Variants in URB2 observed in about 807,000 individuals in gnomAD.
URB2 encodes the protein unhealthy ribosome biogenesis protein 2 homolog.
In URB2, 86 loss-of-function variants were observed where a neutral mutation model predicts 120.9. The ratio of observed to expected loss-of-function variants is 0.71; its 90% CI spans 0.60 to 0.85. The LOEUF (loss-of-function observed/expected upper bound fraction) is 0.85, where lower values mean the gene tolerates loss of function less well. Among genes scored for constraint, URB2 ranks in the 40% least tolerant of loss-of-function variants. URB2 has a pLI of 0.00. For synonymous variants in URB2, 755 were observed against 758.4 expected (o/e 1.00, Z 0.07); for missense variants, 1,765 against 1,836.5 (o/e 0.96, Z 0.71).
chr1:229,652,965 T>G (rs939474627), intron 8 of URB2, among the ~76,000 whole-genome samples: 7 of 152,264 alleles, frequency 4.6e-5, no homozygotes, highest in African/African-American at 1.7e-4. Flanking sequence ...GAGTAGAGTT[T>G]TAACTATTTT....
At chr1:229,639,125 T>A (rs1295604362) in intron 4 of URB2, among the ~76,000 whole-genome samples, 1 of 151,800 alleles carries the variant, frequency 6.6e-6, no homozygotes, top group African/African-American at 2.4e-5. Context: ...CAAAACCCCA[T>A]CTCTACAAAA....
At chr1:229,645,821 G>C (rs374690356) in intron 5 of URB2, 38 bp from the exon 6 acceptor site, 1 of 1,565,732 alleles carries the variant, frequency 6.4e-7, no homozygotes, top group Admixed American at 1.7e-5. Context: ...GGGAGAACAC[G>C]CTATCTCTGC....
At chr1:229,643,468 T>C (rs1666060900) in intron 4 of URB2, 65 bp from the exon 5 acceptor site, 1 of 1,592,684 alleles carries the variant, frequency 6.3e-7, no homozygotes, top group Non-Finnish European at 8.6e-7. Context: ...AGTTTCATCC[T>C]ATGGCTACTT....
chr1:229,658,356 C>A (rs1666451333), intron 9 of URB2, among the ~76,000 whole-genome samples: 1 of 152,154 alleles, frequency 6.6e-6, no homozygotes, highest in Non-Finnish European at 1.5e-5. Context: ...TGGCTGCCAC[C>A]CACACTCCTG....
chr1:229,650,146 T>C lies in URB2; in HGVS notation c.4150-1089T>C, dbSNP rs1480706431. 2.6e-5 allele frequency among the ~76,000 whole-genome samples: 4 copies of C among 152,230 alleles called. No individual in the cohort carries two copies. In the East Asian group the frequency reaches 7.7e-4, roughly 29 times the overall value. On this transcript the variant is annotated intron_variant, in intron 7 of 9. Transcript: ENST00000258243. ...TAATCCCGACACTTGACTTACTCTCTGTTCACTCTCACACGTGATGCAGCA... is the reference window on the plus strand; with the variant it reads ...TAATCCCGACACTTGACTTACTCTCCGTTCACTCTCACACGTGATGCAGCA...
intron 9 of URB2, among the ~76,000 whole-genome samples, chr1:229,658,302 C>T (rs1666450219): frequency 6.6e-6 from 1 of 152,152 alleles, no homozygotes; most frequent in Non-Finnish European, 1.5e-5. Context: ...TGAGTCTCTT[C>T]TCTGGAAGTT....
At chr1:229,627,906 A>G (rs1571864161) in intron 2 of URB2, 147 bp downstream of exon 2, 1 of 1,075,304 alleles carries the variant, frequency 9.3e-7, no homozygotes, top group East Asian at 2.8e-5. Context: ...AATGTCAATG[A>G]AAAAAGTAAT....
rs892843529 is a variant in URB2 at position 229,646,034 on chromosome 1, C to T, written c.3906+65C>T. ...TCCCTCTTCCTGTAAAGACAGAAGT[C>T]AGCCTTTTGGGGTCTGCTGCCCTGT... On this transcript the variant is annotated intron_variant, in intron 6 of 9. Coordinates refer to ENST00000258243, the MANE Select transcript of URB2 (RefSeq NM_014777.4). The T allele has an allele frequency of 4.6e-6, 7 of 1,513,366 alleles. No homozygotes were observed. The African/African-American group carries it at 5.5e-5, about 12-fold the overall frequency. The allele number at this position is 1,513,366 out of a possible 1,614,324, so 93.7% of individuals were successfully genotyped here. A position where few individuals can be genotyped will look rare whatever the true frequency, so the allele number is the denominator to read the frequency against.
intron 3 of URB2, among the ~76,000 whole-genome samples, chr1:229,632,836 C>T (rs1665707158): frequency 7.4e-6 from 1 of 134,842 alleles, no homozygotes; most frequent in African/African-American, 2.8e-5. Flanking sequence ...TTTTTTGCCA[C>T]TACGGCCTTC....
Position 229,659,473 on chromosome 1 carries a change from C to A in URB2, c.*176C>A. On this transcript the variant is annotated 3_prime_UTR_variant, in exon 10 of 10. Transcript: ENST00000258243. ...TGTATTTTACATCGTGTTTTTCTTA[C>A]TATTTTTTAATACATAGTTTTATGC... 9.7e-6 allele frequency: 6 copies of A among 616,954 alleles called. No homozygotes were observed. Among genetic ancestry groups the A allele is most frequent in the Non-Finnish European group, 1.3e-5 (5 of 384,312 alleles). 38.2% of individuals were successfully genotyped at this position (616,954 alleles called of 1,614,324 possible).
intron 5 of URB2, among the ~76,000 whole-genome samples, chr1:229,644,319 T>G (rs972494762): frequency 6.6e-6 from 1 of 152,280 alleles, no homozygotes; most frequent in Non-Finnish European, 1.5e-5. Context: ...AGGCATATTC[T>G]GCCTCATGAA....
chr1:229,632,183 C>A, intron 2 of URB2, 86 bp from the exon 3 acceptor site: 3 of 1,258,504 alleles, frequency 2.4e-6, no homozygotes, highest in Non-Finnish European at 3.1e-6. Flanking sequence ...ATTGGATTTG[C>A]TTATACCTGT....
chr1:229,633,218 C>A (rs1462391850), intron 3 of URB2, among the ~76,000 whole-genome samples: 1 of 152,166 alleles, frequency 6.6e-6, no homozygotes, highest in Non-Finnish European at 1.5e-5. Flanking sequence ...GGTTGAGCTG[C>A]CCAATGGCGC....
At chr1:229,647,146 G>A (rs745566705) in intron 6 of URB2, among the ~76,000 whole-genome samples, 3 of 152,114 alleles carry the variant, frequency 2.0e-5, no homozygotes, top group Non-Finnish European at 4.4e-5. Flanking sequence ...GCAGGGGTCC[G>A]CACAGCCAGA....
intron 6 of URB2, among the ~76,000 whole-genome samples, chr1:229,646,791 A>G (rs1666155584): frequency 6.6e-6 from 1 of 152,138 alleles, no homozygotes; most frequent in South Asian, 2.1e-4. Context: ...GTGTTCTTAC[A>G]CTTAGGTGCG....
chr1:229,642,017 AT>A, intron 4 of URB2, among the ~76,000 whole-genome samples: 1 of 151,364 alleles, frequency 6.6e-6, no homozygotes, highest in Admixed American at 6.5e-5. Flanking sequence ...CTCCAGAAAC[AT>A]AAAAAAAACC....
Position 229,636,871 on chromosome 1 carries a change from A to C in URB2, c.2258A>C (p.Tyr753Ser). Residue 753 changes from tyrosine to serine, a missense_variant, in exon 4 of 10, where the codon TAT (tyrosine) becomes TCT (serine). Physicochemically the swap from Tyr to Ser is moderately radical, Grantham distance 144 (BLOSUM62 -2). Coordinates refer to ENST00000258243, the MANE Select transcript of URB2 (RefSeq NM_014777.4). Reference sequence around the variant, plus strand: ...TCAAATCTCACAATTTTAATATCCTATCTGTGTCCAGATGATGTGGGATAC... The same window carrying C: ...TCAAATCTCACAATTTTAATATCCTCTCTGTGTCCAGATGATGTGGGATAC... ...IVSNLTILIS[Y>S]LCPDDVGYLA... is the part of the protein sequence containing the mutation. 2 of 1,611,568 alleles carry C rather than the reference A, an allele frequency of 1.2e-6. No individual in the cohort carries two copies. Among genetic ancestry groups the C allele is most frequent in the Non-Finnish European group, 1.7e-6 (2 of 1,178,170 alleles).
chr1:229,658,708 T>C (rs1031331755), intron 9 of URB2, among the ~76,000 whole-genome samples: 1 of 152,170 alleles, frequency 6.6e-6, no homozygotes, highest in Non-Finnish European at 1.5e-5. Flanking sequence ...TGATTGACGG[T>C]GTAGAAGAAT....
At chr1:229,626,873 C>CG (rs1665499617) in intron 1 of URB2, among the ~76,000 whole-genome samples, 1 of 152,224 alleles carries the variant, frequency 6.6e-6, no homozygotes, top group Non-Finnish European at 1.5e-5. Flanking sequence ...CAGCACTTGA[C>CG]GTTCTTGTTC....
Sources: gnomAD v4.1 joint callset for allele counts (sites outside exome capture counted in the v4.1 genomes callset) on GRCh38, gnomAD v4.1.1 for gene constraint, MANE v1.5 for transcripts, NCBI Gene and HGNC (gene_info 2026-07-23, HGNC 2026-07-21) for gene names.